USP15: variants seen among roughly 807,000 people sequenced by gnomAD.
USP15 encodes the protein ubiquitin carboxyl-terminal hydrolase 15.
A neutral mutation model predicts 127.1 loss-of-function variants in USP15; 18 were observed. The ratio of observed to expected loss-of-function variants is 0.14; its 90% CI spans 0.10 to 0.21. USP15 has a LOEUF of 0.21. USP15 is among the 10% of genes least tolerant of loss of function. The probability of loss-of-function intolerance (pLI) is 1.00; values close to 1 mark genes in which losing one functional copy is unlikely to be tolerated. For missense variants in USP15, 805 were observed against 1,159.9 expected (o/e 0.69, Z 4.44); for synonymous variants, 364 against 393.7 (o/e 0.92, Z 0.89).
chr12:62,314,525 C>A (rs1255106525), intron 3 of USP15, among the ~76,000 whole-genome samples: 1 of 151,796 alleles, frequency 6.6e-6, no homozygotes, highest in Non-Finnish European at 1.5e-5. Flanking sequence ...CTTCATAGAT[C>A]AATAGAATGC....
At chr12:62,354,438 C>T (rs1403632950) in intron 7 of USP15, among the ~76,000 whole-genome samples, 1 of 151,716 alleles carries the variant, frequency 6.6e-6, no homozygotes, top group Non-Finnish European at 1.5e-5. Flanking sequence ...AGATTGAAAG[C>T]ATGCTTTTGA....
At chr12:62,288,458 G>C (rs1266707333) in intron 1 of USP15, among the ~76,000 whole-genome samples, 1 of 142,046 alleles carries the variant, frequency 7.0e-6, no homozygotes, top group Non-Finnish European at 1.5e-5. Context: ...AGTTGATTTT[G>C]TATGCTGAAA....
chr12:62,309,513 A>G (rs2064593094), intron 3 of USP15, among the ~76,000 whole-genome samples: 1 of 152,060 alleles, frequency 6.6e-6, no homozygotes, highest in Admixed American at 6.6e-5. Flanking sequence ...CCAATACCAC[A>G]CAGATTCTTT....
chr12:62,309,599 A>G (rs2064595780), intron 3 of USP15, among the ~76,000 whole-genome samples: 1 of 152,038 alleles, frequency 6.6e-6, no homozygotes, highest in African/African-American at 2.4e-5. Context: ...GAAGGACATT[A>G]CAAGAAAGAA....
At chr12:62,279,285 T>C (rs2063583047) in intron 1 of USP15, 1 of 152,228 alleles carries the variant, frequency 6.6e-6, no homozygotes, top group Non-Finnish European at 1.5e-5. Flanking sequence ...TCATTTAGCA[T>C]AGTGACCTTC....
At chr12:62,286,936 T>TC (rs1357115011) in intron 1 of USP15, among the ~76,000 whole-genome samples, 14 of 89,504 alleles carry the variant, frequency 1.6e-4, no homozygotes, top group African/African-American at 8.0e-4. Context: ...AAACTCTGTC[T>TC]CAAAAAAAAA....
chr12:62,381,162 A>G (rs1008625084), intron 8 of USP15, among the ~76,000 whole-genome samples: 1 of 152,120 alleles, frequency 6.6e-6, no homozygotes, highest in Non-Finnish European at 1.5e-5. Context: ...ACAATCCATA[A>G]TTTCTACCAA....
In USP15 at chr12:62,411,415, C is replaced by G. The variant is rs995189348; in HGVS notation, c.*7040C>G. 1 of 152,118 alleles carries G rather than the reference C, an allele frequency of 6.6e-6. No homozygotes were observed. The highest frequency in any genetic ancestry group is 1.5e-5 in the Non-Finnish European group (1 of 68,024). 9.4% of individuals were successfully genotyped at this position (152,118 alleles called of 1,614,324 possible). A position where few individuals can be genotyped will look rare whatever the true frequency, so the allele number is the denominator to read the frequency against. ...TGTCCACTATGTGCCAGGCACTATT[C>G]TAGATTCAAGATATAAAGTAATATA... is the stretch of plus-strand genomic sequence containing the variant. On this transcript the variant is annotated 3_prime_UTR_variant, in exon 22 of 22. Coordinates refer to ENST00000280377, the MANE Select transcript of USP15 (RefSeq NM_001252078.2).
chr12:62,335,410 G>T (rs906371463), intron 6 of USP15: 55 of 1,385,398 alleles, frequency 4.0e-5, no homozygotes, highest in Non-Finnish European at 4.7e-5. Context: ...TAAAATTGTT[G>T]TACTTTACCT....
At chr12:62,382,606 G>A (rs2067024769) in intron 9 of USP15, among the ~76,000 whole-genome samples, 1 of 151,884 alleles carries the variant, frequency 6.6e-6, no homozygotes, top group Admixed American at 6.6e-5. Flanking sequence ...AAAATTATGT[G>A]TAAATAGGTT....
chr12:62,397,757 T>C (rs574904700), intron 20 of USP15, among the ~76,000 whole-genome samples: 1 of 150,744 alleles, frequency 6.6e-6, no homozygotes, highest in South Asian at 2.1e-4. Flanking sequence ...CTCGGGAGGC[T>C]GAGGTAGGAG....
chr12:62,296,206 G>T (rs904139269), intron 2 of USP15, among the ~76,000 whole-genome samples: 6 of 152,172 alleles, frequency 3.9e-5, no homozygotes, highest in African/African-American at 1.4e-4. Flanking sequence ...GAATGGGCTT[G>T]GAAGCAGATT....
intron 8 of USP15, among the ~76,000 whole-genome samples, chr12:62,364,655 G>T (rs556287415): frequency 6.6e-5 from 10 of 151,998 alleles, no homozygotes; most frequent in African/African-American, 9.7e-5. Flanking sequence ...GTGGTTTGCT[G>T]TACTCATCAA....
At chr12:62,353,883 T>C (rs1443497983) in intron 7 of USP15, among the ~76,000 whole-genome samples, 1 of 152,066 alleles carries the variant, frequency 6.6e-6, no homozygotes, top group African/African-American at 2.4e-5. Context: ...TTGTTTTAGT[T>C]TAAGTCAAGT....
chr12:62,280,549 G>A (rs567949780), intron 1 of USP15, among the ~76,000 whole-genome samples: 32 of 152,198 alleles, frequency 2.1e-4, no homozygotes, highest in African/African-American at 7.7e-4. Flanking sequence ...GAAGGGATGA[G>A]GTGTCTCTCT....
intron 1 of USP15, among the ~76,000 whole-genome samples, chr12:62,272,129 A>C (rs538905956): frequency 6.6e-6 from 1 of 151,908 alleles, no homozygotes; most frequent in East Asian, 1.9e-4. Flanking sequence ...TTAGTGTTGA[A>C]AATTGTTTTA....
chr12:62,406,972 A>G lies in USP15; in HGVS notation c.*2597A>G. 1 of 152,154 alleles carries G rather than the reference A, an allele frequency of 6.6e-6. No homozygotes were observed. 9.4% of individuals were successfully genotyped at this position (152,154 alleles called of 1,614,324 possible). ...ATAGCAAGACTCTGTCTCAAAAAAA[A>G]AAAAGATATTCATAGGTAATACAGG... On this transcript the variant is annotated 3_prime_UTR_variant, in exon 22 of 22. Transcript: ENST00000280377.
rs5798640 is a variant in USP15 at position 62,384,644 on chromosome 12, A to AT, written c.1473+351dup. On this transcript the variant is annotated intron_variant, in intron 11 of 21. Transcript: ENST00000280377. ...TCAACTTTCTTTAGTGTTAATTGTA[A>AT]TTTTTTTTTACTAGTGGCTATTGGA... Among the ~76,000 whole-genome samples the AT allele has an allele frequency of 2.6e-5, 4 of 151,332 alleles. No homozygotes were observed. The East Asian group carries it at 7.8e-4, about 29-fold the overall frequency.
Position 62,413,379 on chromosome 12 carries a change from A to C in USP15, c.*9004A>C, listed in dbSNP as rs1159862247. Reference sequence around the variant, plus strand: ...GTCTCTCGTTTGAAGCCAAGCATCAACTTTTCTCTAGCTATGAAAGTCCTG... The same window carrying C: ...GTCTCTCGTTTGAAGCCAAGCATCACCTTTTCTCTAGCTATGAAAGTCCTG... On this transcript the variant is annotated 3_prime_UTR_variant, in exon 22 of 22. Transcript: ENST00000280377. 6.6e-6 allele frequency: 1 copy of C among 152,242 alleles called. No individual in the cohort carries two copies. Among genetic ancestry groups the C allele is most frequent in the Non-Finnish European group, 1.5e-5 (1 of 68,032 alleles). The allele number at this position is 152,242 out of a possible 1,614,324, so 9.4% of individuals were successfully genotyped here.
Sources: allele counts gnomAD v4.1 joint callset (sites outside exome capture counted in the v4.1 genomes callset), GRCh38; gene constraint gnomAD v4.1.1; transcripts MANE v1.5; gene names NCBI Gene and HGNC (gene_info 2026-07-23, HGNC 2026-07-21).